Variants in GALNS observed in about 807,000 individuals in gnomAD.
GALNS encodes N-acetylgalactosamine-6-sulfatase.
A neutral mutation model predicts 65.9 loss-of-function variants in GALNS; 65 were observed. That is an observed-to-expected ratio of 0.99 (90% CI 0.81 to 1.21). The LOEUF (loss-of-function observed/expected upper bound fraction) is 1.21, where lower values mean the gene tolerates loss of function less well. GALNS is among the 50% of genes most tolerant of loss of function. The pLI, the probability that GALNS is intolerant of heterozygous loss-of-function variation, is 0.00. For missense variants in GALNS, 776 were observed against 700.7 expected (o/e 1.11, Z -1.21); for synonymous variants, 346 against 288.9 (o/e 1.20, Z -2.00).
At chr16:88,816,182 C>T (rs2142975349) in intron 13 of GALNS, 1 of 985,478 alleles carries the variant, frequency 1.0e-6, no homozygotes, top group Non-Finnish European at 1.2e-6. Flanking sequence ...CCCCAGTGCC[C>T]AGGAGATGGC....
rs142875908 is a variant in GALNS at position 88,854,860 on chromosome 16, C to T, written c.120+1898G>A. 3.8e-3 allele frequency among the ~76,000 whole-genome samples: 573 copies of T among 152,364 alleles called. 4 individuals carry two copies. The highest frequency in any genetic ancestry group is 0.012 in the African/African-American group (518 of 41,584). ...CTGCATCAGAAAGTCCTTACAAGTA[C>T]ACCTACCGGCCAGGACACAGCTCCT... On this transcript the variant is annotated intron_variant, in intron 1 of 13. Transcript: ENST00000268695.
intron 10 of GALNS, 82 bp downstream of exon 10, chr16:88,826,620 G>T: frequency 1.3e-6 from 2 of 1,512,570 alleles, no homozygotes; most frequent in Non-Finnish European, 9.1e-7. Context: ...GGGCTGCTGG[G>T]CCTGGGGGTT....
rs371429653 is a variant in GALNS, at chr16:88,841,971, G to A, written c.245C>T (p.Ser82Leu). The change falls in exon 3 of 14, where the codon TCG (serine) becomes TTG (leucine). Residue 82 changes from serine (S) to leucine (L), a missense_variant and splice_region_variant. By Grantham distance (145) the Ser-to-Leu change is moderately radical. Coordinates refer to ENST00000268695, the MANE Select transcript of GALNS (RefSeq NM_000512.5). ...CCGTCCTGTGAGCAGTGCCGCCCTC[G>A]CTATGTGGAGGTGACAGAAACAGAA... ...FYSANPLCSP[S>L]RAALLTGRLP... 16 of 1,611,214 alleles carry A rather than the reference G, an allele frequency of 9.9e-6. No individual in the cohort carries two copies. Among genetic ancestry groups the A allele is most frequent in the African/African-American group, 2.7e-5 (2 of 74,890 alleles).
At chr16:88,833,450 TC>T (rs71158760) in intron 8 of GALNS, among the ~76,000 whole-genome samples, 1 of 141,300 alleles carries the variant, frequency 7.1e-6, no homozygotes, top group African/African-American at 2.7e-5. Context: ...CTCTCTCCCA[TC>T]CCCTTTTTTT....
chr16:88,824,125 C>T (rs940312899), intron 11 of GALNS, among the ~76,000 whole-genome samples: 3 of 152,126 alleles, frequency 2.0e-5, no homozygotes, highest in African/African-American at 7.2e-5. Flanking sequence ...GCAGGGGGTT[C>T]ATATCTCAAG....
chr16:88,836,309 CAAGA>C, intron 5 of GALNS, 42 bp from the exon 6 acceptor site: 1 of 1,501,204 alleles, frequency 6.7e-7, no homozygotes, highest in Non-Finnish European at 9.2e-7. Context: ...GAATTTAGGC[CAAGA>C]AAGTCCCGTT....
chr16:88,822,331 G>A (rs1910313632), intron 12 of GALNS, among the ~76,000 whole-genome samples: 1 of 152,210 alleles, frequency 6.6e-6, no homozygotes, highest in African/African-American at 2.4e-5. Context: ...GCAGCTCAGA[G>A]TAGGGGATAC....
rs554190546 is a variant in GALNS, at chr16:88,835,797, T to G, written c.686A>C (p.Tyr229Ser). 1 of 1,614,056 alleles carries G rather than the reference T, an allele frequency of 6.2e-7. No individual in the cohort carries two copies. The highest frequency in any genetic ancestry group is 1.1e-5 in the South Asian group (1 of 91,088). ...TGCGTGCGTGGCGTCGACAGCCCAG[T>G]AGAGGAAAAAGGGGTGGTGCCGTGC... ...RQARHHPFFL[Y>S]WAVDATHAPV... The change falls in exon 7 of 14, where the codon TAC (tyrosine) becomes TCC (serine). Residue 229 changes from tyrosine to serine, a missense_variant. By Grantham distance (144) the Tyr-to-Ser change is moderately radical. Coordinates refer to ENST00000268695, the MANE Select transcript of GALNS (RefSeq NM_000512.5).
At chr16:88,817,246 C>A (rs2142979270) in intron 13 of GALNS, 2 of 952,608 alleles carry the variant, frequency 2.1e-6, no homozygotes, top group East Asian at 1.6e-4. Context: ...CAGGGCTGGA[C>A]AAGACGACGA....
At chr16:88,842,413 C>T (rs1442317932) in intron 2 of GALNS, 1 of 540,372 alleles carries the variant, frequency 1.9e-6, no homozygotes, top group East Asian at 3.2e-5. Flanking sequence ...GACGGAGCCA[C>T]ACTGCAGCAC....
At chr16:88,834,391 GC>G (rs145048971) in intron 8 of GALNS, among the ~76,000 whole-genome samples, 23 of 74,058 alleles carry the variant, frequency 3.1e-4, no homozygotes, top group Admixed American at 7.1e-4. Context: ...AGGCTGCAGG[GC>G]CCCCCCGCGT....
At chr16:88,832,671 G>A (rs1011599769) in intron 8 of GALNS, among the ~76,000 whole-genome samples, 3 of 152,170 alleles carry the variant, frequency 2.0e-5, no homozygotes, top group Non-Finnish European at 2.9e-5. Context: ...AGAAGGGGGT[G>A]GGGGGCCCAC....
At chr16:88,836,477 A>G (rs1912152364) in intron 5 of GALNS, among the ~76,000 whole-genome samples, 1 of 152,118 alleles carries the variant, frequency 6.6e-6, no homozygotes, top group African/African-American at 2.4e-5. Context: ...AACATGGTGA[A>G]ACTCTGTCTC....
intron 1 of GALNS, chr16:88,843,499 G>C (rs1967087675): frequency 3.1e-6 from 1 of 327,740 alleles, no homozygotes; most frequent in African/African-American, 2.2e-5. Flanking sequence ...TTGGAAGTAG[G>C]GTCTCTGCAG....
intron 8 of GALNS, 73 bp from the exon 9 acceptor site, chr16:88,832,174 G>A: frequency 7.6e-7 from 1 of 1,318,046 alleles, no homozygotes; most frequent in Admixed American, 1.9e-5. Flanking sequence ...TCCCCACTGA[G>A]TCACTGAGAC....
Position 88,831,985 on chromosome 16 carries a change from G to T in GALNS, c.1002+13C>A. ...GGACCTGCTGCCCGGCAGACCGGTG[G>T]ACGCTGACTCACCTGGCCTGCAGTG... On this transcript the variant is annotated intron_variant, in intron 9 of 13. Coordinates refer to ENST00000268695, the MANE Select transcript of GALNS (RefSeq NM_000512.5). 1 of 1,610,284 alleles carries T rather than the reference G, an allele frequency of 6.2e-7. No individual in the cohort carries two copies. The highest frequency in any genetic ancestry group is 1.1e-5 in the South Asian group (1 of 90,990).
At position 88,837,738 on chromosome 16, in the gene GALNS, G is replaced by A. The variant is rs1430193538; in HGVS notation, c.450C>T (p.His150=). The A allele has an allele frequency of 6.2e-7, 1 of 1,614,058 alleles. No individual in the cohort carries two copies. The highest frequency in any genetic ancestry group is 1.7e-5 in the Admixed American group (1 of 60,028). The part of the protein sequence containing the change: ...KWHLGHRPQF[H]PLKHGFDEWF... Reference sequence around the variant, plus strand: ...ACTCATCAAATCCGTGCTTCAGGGGGTGGAACTGGGGCCTGTGACCCAGAT... The same window carrying A: ...ACTCATCAAATCCGTGCTTCAGGGGATGGAACTGGGGCCTGTGACCCAGAT... Residue 150 remains histidine, a synonymous_variant, in exon 5 of 14, where the codon CAC becomes CAT. Transcript: ENST00000268695.
At chr16:88,840,970 C>G (rs780481707) in intron 4 of GALNS, 22 bp downstream of exon 4, 2 of 1,586,918 alleles carry the variant, frequency 1.3e-6, no homozygotes, top group South Asian at 2.2e-5. Flanking sequence ...GACGCCTGGG[C>G]AGGCGTGGCC....
At chr16:88,819,715 AG>A (rs1910006840) in intron 12 of GALNS, among the ~76,000 whole-genome samples, 1 of 151,868 alleles carries the variant, frequency 6.6e-6, no homozygotes, top group Non-Finnish European at 1.5e-5. Flanking sequence ...ATTTTTTGAG[AG>A]AGAGTCTCGC....
Sources: allele counts gnomAD v4.1 joint callset (sites outside exome capture counted in the v4.1 genomes callset), GRCh38; gene constraint gnomAD v4.1.1; transcripts MANE v1.5; gene names NCBI Gene and HGNC (gene_info 2026-07-23, HGNC 2026-07-21).